Variants in GPR39 observed in about 807,000 individuals in gnomAD.
GPR39 encodes the protein zinc sensing receptor.
Under a neutral mutation model 18.4 loss-of-function variants are expected in GPR39, and 23 were observed. That is an observed-to-expected ratio of 1.25 (90% CI 0.90 to 1.77). The LOEUF is 1.77. GPR39 is among the 40% of genes most tolerant of loss of function. The pLI is 0.00. For synonymous variants in GPR39, 280 were observed against 257.9 expected (o/e 1.09, Z -0.82); for missense variants, 647 against 602.4 (o/e 1.07, Z -0.78).
chr2:132,569,063 A>G (rs950066470), intron 1 of GPR39, among the ~76,000 whole-genome samples: 6 of 152,128 alleles, frequency 3.9e-5, no homozygotes, highest in Non-Finnish European at 8.8e-5. Flanking sequence ...CTAGCACCCA[A>G]GGGTTGTTGC....
chr2:132,578,543 C>T (rs2104820848), intron 1 of GPR39, among the ~76,000 whole-genome samples: 1 of 152,082 alleles, frequency 6.6e-6, no homozygotes, highest in Middle Eastern at 3.4e-3. Flanking sequence ...ATTTAATTTC[C>T]TTAATAGTTA....
At chr2:132,461,084 C>T (rs1217028552) in intron 1 of GPR39, among the ~76,000 whole-genome samples, 2 of 152,194 alleles carry the variant, frequency 1.3e-5, no homozygotes, top group African/African-American at 4.8e-5. Flanking sequence ...AAGGAAATTC[C>T]AAAGCCATCT....
At chr2:132,535,694 G>GTTTTTTTTTTTTTTTTTTTTTTT (rs1252242856) in intron 1 of GPR39, among the ~76,000 whole-genome samples, 2 of 60,968 alleles carry the variant, frequency 3.3e-5, no homozygotes, top group African/African-American at 7.8e-5. Flanking sequence ...CTGGTCCTGG[G>GTTTTTTTTTTTTTTTTTTTTTTT]CTTTTTTTTT....
At chr2:132,425,856 T>C (rs1680109749) in intron 1 of GPR39, among the ~76,000 whole-genome samples, 1 of 152,006 alleles carries the variant, frequency 6.6e-6, no homozygotes, top group Non-Finnish European at 1.5e-5. Flanking sequence ...AAATGGGCCC[T>C]GAATAAGCTT....
chr2:132,514,572 C>T (rs1244979540), intron 1 of GPR39, among the ~76,000 whole-genome samples: 1 of 152,152 alleles, frequency 6.6e-6, no homozygotes, highest in Non-Finnish European at 1.5e-5. Context: ...ACTTACAGTC[C>T]CCAGCCCATT....
chr2:132,504,702 G>T (rs1434235277), intron 1 of GPR39, among the ~76,000 whole-genome samples: 1 of 152,164 alleles, frequency 6.6e-6, no homozygotes, highest in Non-Finnish European at 1.5e-5. Flanking sequence ...ACATAAAATA[G>T]AATTCAAGCA....
chr2:132,644,563 C>T (rs1467634368), intron 1 of GPR39, among the ~76,000 whole-genome samples: 1 of 152,216 alleles, frequency 6.6e-6, no homozygotes. Flanking sequence ...GACTTTGCTT[C>T]CCCTGAAACT....
At chr2:132,467,653 T>C (rs1680953649) in intron 1 of GPR39, among the ~76,000 whole-genome samples, 1 of 152,108 alleles carries the variant, frequency 6.6e-6, no homozygotes, top group Non-Finnish European at 1.5e-5. Context: ...CATAGTCAAG[T>C]TGGTGAGCTA....
intron 1 of GPR39, among the ~76,000 whole-genome samples, chr2:132,546,503 G>A (rs529773152): frequency 6.6e-6 from 1 of 152,254 alleles, no homozygotes; most frequent in East Asian, 1.9e-4. Context: ...AGCTGATATG[G>A]ACAAGATATT....
chr2:132,432,522 C>T (rs2315388), intron 1 of GPR39, among the ~76,000 whole-genome samples: 3,390 of 152,256 alleles, frequency 0.022, 115 homozygotes, highest in African/African-American at 0.076. Flanking sequence ...AAATCTAGGG[C>T]CTACTCTGAT....
intron 1 of GPR39, among the ~76,000 whole-genome samples, chr2:132,611,326 C>T (rs1458495378): frequency 6.6e-6 from 1 of 152,136 alleles, no homozygotes; most frequent in African/African-American, 2.4e-5. Flanking sequence ...CCTAACCACG[C>T]CAGGTGGTGA....
intron 1 of GPR39, among the ~76,000 whole-genome samples, chr2:132,449,035 C>T (rs886528897): frequency 2.0e-5 from 3 of 152,208 alleles, no homozygotes; most frequent in African/African-American, 7.2e-5. Context: ...CAAATACCAC[C>T]TTGCATGGTA....
intron 1 of GPR39, among the ~76,000 whole-genome samples, chr2:132,464,345 G>A (rs1245256317): frequency 2.0e-5 from 3 of 152,206 alleles, no homozygotes; most frequent in Non-Finnish European, 2.9e-5. Flanking sequence ...AGAAGCTCGT[G>A]TGCAGGATTG....
At chr2:132,501,052 G>GTGTTTTTTTTTTTTTTTTTTTT (rs1679020554) in intron 1 of GPR39, among the ~76,000 whole-genome samples, 1 of 46,592 alleles carries the variant, frequency 2.1e-5, no homozygotes, top group African/African-American at 7.2e-5. Flanking sequence ...TTTATCTTTT[G>GTGTTTTTTTTTTTTTTTTTTTT]TGTTTTTTTT....
intron 1 of GPR39, among the ~76,000 whole-genome samples, chr2:132,601,891 C>T (rs1047898120): frequency 6.6e-6 from 1 of 151,940 alleles, no homozygotes; most frequent in Non-Finnish European, 1.5e-5. Context: ...CTACAAAACA[C>T]TGATGAAAGA....
intron 1 of GPR39, among the ~76,000 whole-genome samples, chr2:132,515,472 C>T (rs902615345): frequency 1.3e-5 from 2 of 152,202 alleles, no homozygotes; most frequent in Non-Finnish European, 2.9e-5. Context: ...ACTGGTCCTC[C>T]CCAGACACCT....
At chr2:132,418,142 G>T (rs1679945872) in intron 1 of GPR39, among the ~76,000 whole-genome samples, 1 of 152,200 alleles carries the variant, frequency 6.6e-6, no homozygotes, top group Non-Finnish European at 1.5e-5. Context: ...AACCCAGAAG[G>T]TTTGGGTATA....
chr2:132,522,165 C>T (rs1573644490), intron 1 of GPR39, among the ~76,000 whole-genome samples: 2 of 152,174 alleles, frequency 1.3e-5, no homozygotes, highest in South Asian at 2.1e-4. Flanking sequence ...GTCAGCCCCA[C>T]GTTGTGATAT....
At chr2:132,464,708 C>G (rs1408122508) in intron 1 of GPR39, among the ~76,000 whole-genome samples, 1 of 152,146 alleles carries the variant, frequency 6.6e-6, no homozygotes, top group African/African-American at 2.4e-5. Context: ...CTGTGTCCTT[C>G]CCTCCTATGA....
Sources: allele counts gnomAD v4.1 joint callset (sites outside exome capture counted in the v4.1 genomes callset), GRCh38; gene constraint gnomAD v4.1.1; transcripts MANE v1.5; gene names NCBI Gene and HGNC (gene_info 2026-07-23, HGNC 2026-07-21).